DLGAP1: variants seen among roughly 807,000 people sequenced by gnomAD.
DLGAP1 encodes DLG associated protein 1, also known as disks large-associated protein 1.
A neutral mutation model predicts 90.8 loss-of-function variants in DLGAP1; 11 were observed. The observed-to-expected ratio is 0.12, with a 90% CI of 0.08 to 0.20. The LOEUF (loss-of-function observed/expected upper bound fraction) is 0.20, where lower values mean the gene tolerates loss of function less well. Among genes scored for constraint, DLGAP1 ranks in the 10% least tolerant of loss-of-function variants. The pLI, the probability that DLGAP1 is intolerant of heterozygous loss-of-function variation, is 1.00. For missense variants in DLGAP1, 1,050 were observed against 1,333.8 expected, an observed-to-expected ratio of 0.79 and a Z score of 3.31; for synonymous variants, 558 against 540.7, an observed-to-expected ratio of 1.03 and a Z score of -0.44.
intron 11 of DLGAP1, among the ~76,000 whole-genome samples, chr18:3,506,281 AG>A (rs965440447): frequency 1.3e-5 from 2 of 151,706 alleles, no homozygotes; most frequent in Non-Finnish European, 2.9e-5. Context: ...TCGGTGGCCG[AG>A]GCGGGCAGAT....
chr18:3,680,447 T>G (rs2060471180), intron 7 of DLGAP1, among the ~76,000 whole-genome samples: 1 of 152,216 alleles, frequency 6.6e-6, no homozygotes, highest in African/African-American at 2.4e-5. Context: ...CCTAATCTAT[T>G]CTGTTGTCAG....
At chr18:3,602,017 G>GAATA (rs942700151) in intron 7 of DLGAP1, among the ~76,000 whole-genome samples, 3 of 151,622 alleles carry the variant, frequency 2.0e-5, no homozygotes, top group African/African-American at 4.8e-5. Context: ...TCAAATGAAT[G>GAATA]AATAAATAAA....
intron 1 of DLGAP1, among the ~76,000 whole-genome samples, chr18:4,392,493 A>G (rs1598344669): frequency 6.6e-6 from 1 of 152,176 alleles, no homozygotes. Flanking sequence ...TCCAAGAAAA[A>G]AAAGGAATTT....
chr18:4,007,732 A>C (rs2067065284), intron 2 of DLGAP1, among the ~76,000 whole-genome samples: 1 of 152,186 alleles, frequency 6.6e-6, no homozygotes. Context: ...TTTTCTCAAA[A>C]GGGAAAATGT....
At chr18:4,010,119 C>G (rs1162960720) in intron 2 of DLGAP1, among the ~76,000 whole-genome samples, 2 of 152,180 alleles carry the variant, frequency 1.3e-5, no homozygotes, top group African/African-American at 4.8e-5. Flanking sequence ...CACCATTTCT[C>G]TAAATATTCC....
intron 7 of DLGAP1, among the ~76,000 whole-genome samples, chr18:3,717,252 A>G (rs1202851838): frequency 6.6e-6 from 1 of 152,166 alleles, no homozygotes; most frequent in East Asian, 1.9e-4. Flanking sequence ...CAGTCCATGA[A>G]ATCTCTTTAG....
chr18:3,605,754 C>T (rs2057296664), intron 7 of DLGAP1, among the ~76,000 whole-genome samples: 1 of 152,192 alleles, frequency 6.6e-6, no homozygotes, highest in African/African-American at 2.4e-5. Flanking sequence ...TACTCTGACC[C>T]TCTAACTTGA....
intron 2 of DLGAP1, among the ~76,000 whole-genome samples, chr18:4,059,909 T>C (rs898727048): frequency 6.6e-6 from 1 of 152,152 alleles, no homozygotes; most frequent in Non-Finnish European, 1.5e-5. Flanking sequence ...CTGGCTGCTT[T>C]AGAAGTTGTC....
At chr18:4,079,246 T>C (rs1314240458) in intron 2 of DLGAP1, among the ~76,000 whole-genome samples, 2 of 149,312 alleles carry the variant, frequency 1.3e-5, no homozygotes, top group Non-Finnish European at 1.5e-5. Context: ...CAATTCACCA[T>C]TGCAAAGTGC....
intron 7 of DLGAP1, among the ~76,000 whole-genome samples, chr18:3,651,770 C>G (rs894279374): frequency 2.0e-5 from 3 of 152,038 alleles, no homozygotes; most frequent in South Asian, 2.1e-4. Flanking sequence ...GTCAGGAGTT[C>G]GAGACCAGCC....
At chr18:3,979,576 G>A (rs1219942180) in intron 3 of DLGAP1, among the ~76,000 whole-genome samples, 1 of 152,170 alleles carries the variant, frequency 6.6e-6, no homozygotes, top group Non-Finnish European at 1.5e-5. Flanking sequence ...GAAGAGATAG[G>A]GAAAGAAAAG....
In DLGAP1 at chr18:4,443,359, A is replaced by T. The variant is rs531223968; in HGVS notation, c.-267+11647T>A. ...GATCAAGGCACACTCATGCAGGAGG[A>T]GCTGCTGATGGCTGAGCATCATCTA... On this transcript the variant is annotated intron_variant, in intron 1 of 12. Coordinates refer to ENST00000315677, the MANE Select transcript of DLGAP1 (RefSeq NM_004746.4). 5.9e-5 allele frequency among the ~76,000 whole-genome samples: 9 copies of T among 152,344 alleles called. No homozygotes were observed. The East Asian group carries it at 1.2e-3, about 20-fold the overall frequency.
intron 1 of DLGAP1, among the ~76,000 whole-genome samples, chr18:4,239,655 T>C (rs2078489440): frequency 6.6e-6 from 1 of 152,218 alleles, no homozygotes; most frequent in Non-Finnish European, 1.5e-5. Flanking sequence ...AACTAAATTG[T>C]AGCATCTCAA....
chr18:3,637,328 C>T (rs2058753388), intron 7 of DLGAP1, among the ~76,000 whole-genome samples: 1 of 152,080 alleles, frequency 6.6e-6, no homozygotes. Flanking sequence ...AAGTCTCCAT[C>T]TGAGGCTCTC....
chr18:4,008,860 T>A (rs1399572063), intron 2 of DLGAP1, among the ~76,000 whole-genome samples: 2 of 152,240 alleles, frequency 1.3e-5, no homozygotes, highest in African/African-American at 4.8e-5. Context: ...CTGCTGCTGA[T>A]GAAGCCTTGC....
At chr18:4,415,361 A>G (rs536710625) in intron 1 of DLGAP1, among the ~76,000 whole-genome samples, 2 of 152,324 alleles carry the variant, frequency 1.3e-5, no homozygotes, top group South Asian at 2.1e-4. Context: ...TGTTTATAAA[A>G]TAAAAGCTAC....
intron 7 of DLGAP1, among the ~76,000 whole-genome samples, chr18:3,691,107 G>A (rs762337555): frequency 6.6e-6 from 1 of 152,228 alleles, no homozygotes; most frequent in Non-Finnish European, 1.5e-5. Context: ...GGTGATTTCC[G>A]TAGTTGATAT....
At chr18:3,808,950 A>G (rs946883758) in intron 5 of DLGAP1, among the ~76,000 whole-genome samples, 1 of 152,218 alleles carries the variant, frequency 6.6e-6, no homozygotes, top group Non-Finnish European at 1.5e-5. Flanking sequence ...CTCTTCTCAA[A>G]TTATTTTCTT....
chr18:4,091,070 C>T (rs1035412575), intron 2 of DLGAP1, among the ~76,000 whole-genome samples: 1 of 152,030 alleles, frequency 6.6e-6, no homozygotes, highest in South Asian at 2.1e-4. Context: ...GGGAGGGGAA[C>T]AACATATACT....
Sources: gnomAD v4.1 joint callset for allele counts (sites outside exome capture counted in the v4.1 genomes callset) on GRCh38, gnomAD v4.1.1 for gene constraint, MANE v1.5 for transcripts, NCBI Gene and HGNC (gene_info 2026-07-23, HGNC 2026-07-21) for gene names.